ATP2C2: variants seen among roughly 807,000 people sequenced by gnomAD.
ATP2C2 encodes the protein calcium-transporting ATPase type 2C member 2.
Under a neutral mutation model 110.8 loss-of-function variants are expected in ATP2C2, and 171 were observed. The observed-to-expected ratio is 1.54, with a 90% CI of 1.36 to 1.75. The LOEUF is 1.75. ATP2C2 is among the 40% of genes most tolerant of loss of function. The pLI is 0.00. For missense variants in ATP2C2, 1,963 were observed against 1,235.0 expected (o/e 1.59, Z -8.84); for synonymous variants, 804 against 508.4 (o/e 1.58, Z -7.82).
chr16:84,426,125 C>A (rs536426022), intron 11 of ATP2C2: 3 of 274,766 alleles, frequency 1.1e-5, no homozygotes, highest in Non-Finnish European at 2.1e-5. Context: ...TTCTACAGGC[C>A]GTACAGGAAG....
chr16:84,405,053 A>G (rs1445737236), intron 2 of ATP2C2, 75 bp from the exon 3 acceptor site: 5 of 1,227,418 alleles, frequency 4.1e-6, no homozygotes, highest in East Asian at 2.3e-5. Context: ...TGCCTTTCAG[A>G]GTGGGAGTCT....
chr16:84,459,440 C>T lies in ATP2C2; in HGVS notation c.2333+54C>T, dbSNP rs113108266. On this transcript the variant is annotated intron_variant, in intron 23 of 26. Coordinates refer to ENST00000262429, the MANE Select transcript of ATP2C2 (RefSeq NM_014861.4). ...GTCTCTTTACCCACCTGCGGGGCTT[C>T]CTCCAGGGGCTGCTGGCTGTGCCCC... 4.6e-5 allele frequency: 74 copies of T among 1,604,400 alleles called. 2 individuals carry two copies. Among genetic ancestry groups the T allele is most frequent in the African/African-American group, 2.9e-4 (22 of 74,754 alleles).
chr16:84,397,034 C>T (rs1461642163), intron 1 of ATP2C2, among the ~76,000 whole-genome samples: 4 of 151,832 alleles, frequency 2.6e-5, no homozygotes, highest in Non-Finnish European at 5.9e-5. Context: ...TTACTCAATA[C>T]CTCTCCTGCT....
intron 11 of ATP2C2, among the ~76,000 whole-genome samples, chr16:84,435,250 A>C (rs555880446): frequency 2.4e-4 from 36 of 152,360 alleles, no homozygotes; most frequent in Admixed American, 2.1e-3. Context: ...TGTAATTAGA[A>C]AACATGGTGT....
intron 9 of ATP2C2, 22 bp downstream of exon 9, chr16:84,422,719 C>T (rs768692425): frequency 7.3e-5 from 116 of 1,590,218 alleles, no homozygotes; most frequent in Middle Eastern, 1.7e-4. Context: ...GAGGGGGCTT[C>T]GGGACTTTTG....
chr16:84,415,352 C>A, intron 6 of ATP2C2, 131 bp from the exon 7 acceptor site: 1 of 751,248 alleles, frequency 1.3e-6, no homozygotes. Flanking sequence ...AATAATAACA[C>A]CCCAAAGGCA....
At chr16:84,419,179 G>C (rs538041033) in intron 7 of ATP2C2, among the ~76,000 whole-genome samples, 1 of 128,846 alleles carries the variant, frequency 7.8e-6, no homozygotes, top group African/African-American at 2.9e-5. Context: ...CTGCACTGTA[G>C]CCTGGGTGAC....
intron 21 of ATP2C2, among the ~76,000 whole-genome samples, chr16:84,455,855 C>G (rs1414744852): frequency 7.1e-6 from 1 of 141,184 alleles, no homozygotes; most frequent in East Asian, 2.0e-4. Context: ...TGAATTTTGT[C>G]AAAGGCTTTT....
intron 10 of ATP2C2, among the ~76,000 whole-genome samples, chr16:84,424,619 T>C (rs1567714610): frequency 7.0e-6 from 1 of 143,334 alleles, no homozygotes; most frequent in Non-Finnish European, 1.5e-5. Flanking sequence ...GGAACTGCTC[T>C]AGCAGATGGA....
intron 1 of ATP2C2, among the ~76,000 whole-genome samples, chr16:84,370,772 C>T (rs1317525789): frequency 6.6e-6 from 1 of 151,806 alleles, no homozygotes; most frequent in Non-Finnish European, 1.5e-5. Context: ...TTACATGCCA[C>T]ATCCAGGATG....
intron 1 of ATP2C2, among the ~76,000 whole-genome samples, chr16:84,390,544 G>A (rs2151408063): frequency 6.6e-6 from 1 of 152,332 alleles, no homozygotes; most frequent in African/African-American, 2.4e-5. Flanking sequence ...AGGAGGCACA[G>A]ACACAGAAGA....
rs1911677056 is a variant in ATP2C2, at chr16:84,464,078, G to C, written c.*346G>C. 3.0e-5 allele frequency: 6 copies of C among 198,518 alleles called. No homozygotes were observed. The South Asian group carries it at 3.8e-4, about 12-fold the overall frequency. 12.3% of individuals were successfully genotyped at this position (198,518 alleles called of 1,614,324 possible). A position where few individuals can be genotyped will look rare whatever the true frequency, so the allele number is the denominator to read the frequency against. ...CGTGGCAGATACAAGGGGCTCCTGAGAGGCAGTGGGTAGGATGGTCACACT... is the reference window on the plus strand; with the variant it reads ...CGTGGCAGATACAAGGGGCTCCTGACAGGCAGTGGGTAGGATGGTCACACT... On this transcript the variant is annotated 3_prime_UTR_variant, in exon 27 of 27. Coordinates refer to ENST00000262429, the MANE Select transcript of ATP2C2 (RefSeq NM_014861.4).
chr16:84,408,553 T>A, intron 4 of ATP2C2, 59 bp downstream of exon 4: 3 of 1,350,322 alleles, frequency 2.2e-6, no homozygotes, highest in Non-Finnish European at 3.1e-6. Flanking sequence ...GCTGAGTCTC[T>A]GCTTGTTATT....
chr16:84,459,105 T>G lies in ATP2C2; in HGVS notation c.2148-15T>G. 1.2e-6 allele frequency: 2 copies of G among 1,613,984 alleles called. No homozygotes were observed. Among genetic ancestry groups the G allele is most frequent in the Non-Finnish European group, 8.5e-7 (1 of 1,179,990 alleles). ...CAGGCCCGCTCCGTGAGTAAATGGC[T>G]CTCTTCTCTTGCAGGAATGCAGTGG... is the stretch of plus-strand genomic sequence containing the variant. On this transcript the variant is annotated splice_polypyrimidine_tract_variant and intron_variant, in intron 21 of 26. Transcript: ENST00000262429.
In ATP2C2 at chr16:84,372,768, G is replaced by A. The variant is rs908568622; in HGVS notation, c.99+4054G>A. 2.6e-5 allele frequency among the ~76,000 whole-genome samples: 4 copies of A among 152,032 alleles called. No individual in the cohort carries two copies. In the East Asian group the frequency reaches 7.7e-4, roughly 29 times the overall value. On this transcript the variant is annotated intron_variant, in intron 1 of 26. Coordinates refer to ENST00000262429, the MANE Select transcript of ATP2C2 (RefSeq NM_014861.4). ...TGTACAAAAGTGTGATATCAAGTAA[G>A]TATAAGCATAAAACTTGTAATAAAC...
In ATP2C2 at chr16:84,397,729, A is replaced by G. The variant is rs895272393; in HGVS notation, c.100-770A>G. ...CCAACAACTAACAACTGGAACCCAG[A>G]TATTCATCAACAGGAGAACAAATAC... On this transcript the variant is annotated intron_variant, in intron 1 of 26. Coordinates refer to ENST00000262429, the MANE Select transcript of ATP2C2 (RefSeq NM_014861.4). Among the ~76,000 whole-genome samples, 3 of 151,342 alleles carry G rather than the reference A, an allele frequency of 2.0e-5. 1 individual carries two copies. The highest frequency in any genetic ancestry group is 7.3e-5 in the African/African-American group (3 of 41,012).
At chr16:84,432,001 AG>A (rs1908322210) in intron 11 of ATP2C2, among the ~76,000 whole-genome samples, 1 of 152,062 alleles carries the variant, frequency 6.6e-6, no homozygotes, top group African/African-American at 2.4e-5. Context: ...TGGAGAGCTG[AG>A]GTCTCCCGCC....
At chr16:84,442,704 G>C (rs1455430856) in intron 15 of ATP2C2, 105 bp downstream of exon 15, 2 of 1,128,828 alleles carry the variant, frequency 1.8e-6, no homozygotes, top group African/African-American at 1.5e-5. Flanking sequence ...GGGACGTTAG[G>C]TAATCATGGA....
intron 24 of ATP2C2, 129 bp downstream of exon 24, chr16:84,460,930 T>C (rs961932417): frequency 1.7e-5 from 23 of 1,323,084 alleles, no homozygotes; most frequent in Non-Finnish European, 2.3e-5. Flanking sequence ...CCGGACAATG[T>C]GATGCCATCA....
Sources: gnomAD v4.1 joint callset for allele counts (sites outside exome capture counted in the v4.1 genomes callset) on GRCh38, gnomAD v4.1.1 for gene constraint, MANE v1.5 for transcripts, NCBI Gene and HGNC (gene_info 2026-07-23, HGNC 2026-07-21) for gene names.